MON2: variants seen among roughly 807,000 people sequenced by gnomAD.
The protein encoded by MON2 is MON2 regulator of endosome-to-Golgi trafficking.
In MON2, 84 loss-of-function variants were observed where a neutral mutation model predicts 208.6. The ratio of observed to expected loss-of-function variants is 0.40; its 90% confidence interval spans 0.34 to 0.48. The LOEUF (loss-of-function observed/expected upper bound fraction) is 0.48, where lower values mean the gene tolerates loss of function less well. Ranked by LOEUF, MON2 falls within the 20% of genes least tolerant of loss-of-function variation. MON2 has a pLI of 0.59. For synonymous variants in MON2, 660 were observed against 694.0 expected, an observed-to-expected ratio of 0.95 and a Z score of 0.77; for missense variants, 1,611 against 2,015.4, an observed-to-expected ratio of 0.80 and a Z score of 3.84.
At chr12:62,579,492 G>A (rs948329581) in intron 31 of MON2, among the ~76,000 whole-genome samples, 4 of 151,826 alleles carry the variant, frequency 2.6e-5, no homozygotes, top group African/African-American at 7.2e-5. Context: ...GGGAGGTGGA[G>A]GCAGGCAGAC....
At chr12:62,588,710 A>G (rs751324557) in intron 34 of MON2, 2 of 482,654 alleles carry the variant, frequency 4.1e-6, no homozygotes, top group Non-Finnish European at 7.2e-6. Flanking sequence ...ACCGTTTCCT[A>G]CCAAATTGCA....
At chr12:62,483,578 T>C (rs2069576086) in intron 1 of MON2, among the ~76,000 whole-genome samples, 1 of 151,996 alleles carries the variant, frequency 6.6e-6, no homozygotes. Context: ...TAGCCAGGCA[T>C]GGTGGTGGGT....
At chr12:62,591,321 C>T (rs1000455964) in intron 34 of MON2, among the ~76,000 whole-genome samples, 1 of 152,216 alleles carries the variant, frequency 6.6e-6, no homozygotes, top group Admixed American at 6.5e-5. Flanking sequence ...TACCCATCAG[C>T]TCTATTCCCC....
At chr12:62,557,223 A>G (rs954925369) in intron 25 of MON2, among the ~76,000 whole-genome samples, 5 of 152,216 alleles carry the variant, frequency 3.3e-5, no homozygotes, top group Non-Finnish European at 5.9e-5. Context: ...GTAGAATGGA[A>G]TGGCAACAAG....
At chr12:62,566,247 C>A (rs891832732) in intron 28 of MON2, 75 bp from the exon 29 acceptor site, 54 of 1,527,706 alleles carry the variant, frequency 3.5e-5, no homozygotes, top group Non-Finnish European at 4.7e-5. Context: ...GACAAAGATG[C>A]TTTCTCTTTG....
Position 62,546,890 on chromosome 12 carries a change from T to C in MON2, c.2578-7T>C, listed in dbSNP as rs749981612. The C allele has an allele frequency of 1.9e-6, 3 of 1,581,570 alleles. No homozygotes were observed. Among genetic ancestry groups the C allele is most frequent in the Non-Finnish European group, 2.6e-6 (3 of 1,162,550 alleles). On this transcript the variant is annotated splice_region_variant and splice_polypyrimidine_tract_variant and intron_variant, in intron 21 of 34. Transcript: ENST00000393630. ...TCTTCCTAATTAGTTTCTTGCCCCCTTTTCAGAGGCTGCAGTTGCTTTTAT... is the reference window on the plus strand; with the variant it reads ...TCTTCCTAATTAGTTTCTTGCCCCCCTTTCAGAGGCTGCAGTTGCTTTTAT...
chr12:62,468,768 T>C (rs984914587), intron 1 of MON2, among the ~76,000 whole-genome samples: 3 of 152,190 alleles, frequency 2.0e-5, no homozygotes, highest in Non-Finnish European at 4.4e-5. Flanking sequence ...TTTTAAAGAA[T>C]TAAGTTGTTT....
chr12:62,518,335 C>T (rs1242113162), intron 8 of MON2, among the ~76,000 whole-genome samples: 1 of 152,206 alleles, frequency 6.6e-6, no homozygotes, highest in Non-Finnish European at 1.5e-5. Context: ...TTTAACTTTA[C>T]TACAGCCCTA....
intron 30 of MON2, among the ~76,000 whole-genome samples, 157 bp downstream of exon 30, chr12:62,571,739 G>A (rs2074603393): frequency 6.6e-6 from 1 of 152,064 alleles, no homozygotes; most frequent in Non-Finnish European, 1.5e-5. Context: ...TATCCATTGG[G>A]TACATTATCC....
At chr12:62,536,110 G>C (rs905950587) in intron 14 of MON2, among the ~76,000 whole-genome samples, 3 of 152,050 alleles carry the variant, frequency 2.0e-5, no homozygotes, top group African/African-American at 7.2e-5. Flanking sequence ...AAGCATTTCG[G>C]ATAAGGGATA....
At chr12:62,513,188 C>G (rs2136132026) in intron 8 of MON2, among the ~76,000 whole-genome samples, 1 of 152,300 alleles carries the variant, frequency 6.6e-6, no homozygotes, top group East Asian at 1.9e-4. Context: ...CAAATCTCTA[C>G]AGCCAGCTTG....
At chr12:62,535,156 T>G (rs191097456) in intron 13 of MON2, among the ~76,000 whole-genome samples, 2 of 152,334 alleles carry the variant, frequency 1.3e-5, no homozygotes, top group East Asian at 3.9e-4. Flanking sequence ...AATTACAGAA[T>G]GCCTTTTTCA....
chr12:62,571,473 G>A lies in MON2; in HGVS notation c.4405G>A (p.Val1469Ile), dbSNP rs1346683714. Residue 1469 changes from valine to isoleucine, a missense_variant, in exon 30 of 35, where the codon GTT becomes ATT. Val to Ile is a conservative substitution (Grantham distance 29, BLOSUM62 3). Transcript: ENST00000393630. ...ACTAGCAGTATCCTCTCTCCTCAGAGTTCTTTCTATTGGGCTACCTGTTGC... is the reference window on the plus strand; with the variant it reads ...ACTAGCAGTATCCTCTCTCCTCAGAATTCTTTCTATTGGGCTACCTGTTGC... ...WKLAVSSLLR[V>I]LSIGLPVARQ... 1.2e-6 allele frequency: 2 copies of A among 1,613,654 alleles called. No individual in the cohort carries two copies. Among genetic ancestry groups the A allele is most frequent in the Non-Finnish European group, 1.7e-6 (2 of 1,179,706 alleles).
At chr12:62,519,808 C>T (rs1302114886) in intron 8 of MON2, among the ~76,000 whole-genome samples, 1 of 152,070 alleles carries the variant, frequency 6.6e-6, no homozygotes, top group Non-Finnish European at 1.5e-5. Flanking sequence ...CCAAACGGTA[C>T]ACTTTCTTTT....
At chr12:62,543,240 A>G (rs1415779619) in intron 20 of MON2, 42 bp downstream of exon 20, 2 of 1,078,216 alleles carry the variant, frequency 1.9e-6, no homozygotes, top group Non-Finnish European at 2.6e-6. Context: ...TTTAATAAAC[A>G]TTTGCACACT....
At position 62,566,011 on chromosome 12, in the gene MON2, T is replaced by C. The variant is rs1260828091; in HGVS notation, c.4177-3T>C. 2 of 1,610,484 alleles carry C rather than the reference T, an allele frequency of 1.2e-6. No individual in the cohort carries two copies. The highest frequency in any genetic ancestry group is 1.1e-5 in the South Asian group (1 of 90,462). ...GTCTTGCAACACAATGGAATCACAA[T>C]AGATCCAACTATTTGCACCGGTGAG... On this transcript the variant is annotated splice_region_variant and splice_polypyrimidine_tract_variant and intron_variant, in intron 27 of 34. Coordinates refer to ENST00000393630, the MANE Select transcript of MON2 (RefSeq NM_015026.3).
Position 62,535,506 on chromosome 12 carries a change from TA to T in MON2, c.1716-15del, listed in dbSNP as rs745485651. The T allele has an allele frequency of 5.5e-5, 86 of 1,551,506 alleles. No individual in the cohort carries two copies. Among genetic ancestry groups the T allele is most frequent in the Non-Finnish European group, 7.1e-5 (81 of 1,148,608 alleles). ...TTAAAAATAAGTTAATCAGATTAAA[TA>T]AAATACTTTCTTTTCAGCACAGATG... On this transcript the variant is annotated intron_variant, in intron 13 of 34. Coordinates refer to ENST00000393630, the MANE Select transcript of MON2 (RefSeq NM_015026.3).
chr12:62,541,941 A>G (rs1328523306), intron 19 of MON2, among the ~76,000 whole-genome samples: 5 of 152,190 alleles, frequency 3.3e-5, no homozygotes, highest in African/African-American at 1.2e-4. Flanking sequence ...AACATTAGAT[A>G]GTTTTCTATA....
intron 13 of MON2, 28 bp from the exon 14 acceptor site, chr12:62,535,493 TAATC>T (rs2072925072): frequency 1.4e-6 from 2 of 1,471,446 alleles, no homozygotes; most frequent in Admixed American, 4.5e-5. Flanking sequence ...AAAAATAAGT[TAATC>T]AGATTAAATA....
Sources: gnomAD v4.1 joint callset for allele counts (sites outside exome capture counted in the v4.1 genomes callset) on GRCh38, gnomAD v4.1.1 for gene constraint, MANE v1.5 for transcripts, NCBI Gene and HGNC (gene_info 2026-07-23, HGNC 2026-07-21) for gene names.